The following ADAM32 variants were observed in gnomAD, a reference collection of about 807,000 sequenced individuals.
ADAM32 encodes the protein ADAM metallopeptidase domain 32, also known as disintegrin and metalloproteinase domain-containing protein 32.
Under a neutral mutation model 114.9 loss-of-function variants are expected in ADAM32, and 89 were observed. The observed-to-expected ratio is 0.77, with a 90% CI of 0.65 to 0.92. ADAM32 has a LOEUF of 0.92. Among genes scored for constraint, ADAM32 ranks in the 40% least tolerant of loss-of-function variants. The pLI is 0.00. For missense variants in ADAM32, 870 were observed against 932.8 expected, an observed-to-expected ratio of 0.93 and a Z score of 0.88; for synonymous variants, 285 against 307.5, an observed-to-expected ratio of 0.93 and a Z score of 0.77.
chr8:39,183,130 G>T (rs1337634356), intron 10 of ADAM32, among the ~76,000 whole-genome samples: 3 of 152,202 alleles, frequency 2.0e-5, no homozygotes, highest in African/African-American at 7.2e-5. Context: ...TGTATGTTTG[G>T]AATCTGTATC....
chr8:39,213,303 T>C (rs950813969), intron 12 of ADAM32, among the ~76,000 whole-genome samples: 3 of 152,134 alleles, frequency 2.0e-5, no homozygotes, highest in Non-Finnish European at 2.9e-5. Context: ...ATGTACCACC[T>C]CATATATTTA....
At chr8:39,282,878 T>G (rs1181758913) in intron 23 of ADAM32, among the ~76,000 whole-genome samples, 1 of 152,144 alleles carries the variant, frequency 6.6e-6, no homozygotes, top group Non-Finnish European at 1.5e-5. Context: ...AATAAGAATG[T>G]TTCATGGTCA....
rs1429420662 is a variant in ADAM32 at position 39,221,624 on chromosome 8, A to G, written c.1248A>G (p.Ala416=). The G allele has an allele frequency of 6.2e-7, 1 of 1,611,580 alleles. No individual in the cohort carries two copies. Among genetic ancestry groups the G allele is most frequent in the African/African-American group, 1.3e-5 (1 of 75,014 alleles). ...CTAATTCATAGCAATGTGGACCTGC[A>G]AGCTGTTGTGATTTTCGAACTTGTG... ...DCGTEAQCGP[A]SCCDFRTCVL... The change falls in exon 13 of 25, where the codon GCA becomes GCG. Residue 416 remains alanine, a synonymous_variant. Coordinates refer to ENST00000379907, the MANE Select transcript of ADAM32 (RefSeq NM_145004.7).
In ADAM32 at chr8:39,246,139, T is replaced by C. The variant is rs777393553; in HGVS notation, c.1875T>C (p.Val625=). Residue 625 remains valine, a synonymous_variant, in exon 17 of 25, where the codon GTT becomes GTC. Transcript: ENST00000379907. ...GGATAATTAAGGCTTCAGCACATGT[T>C]TGTTCACAACAGTGTTCTGGACATG... The part of the protein sequence containing the change: ...ESRIIKASAH[V]CSQQCSGHGV... 39 of 1,613,436 alleles carry C rather than the reference T, an allele frequency of 2.4e-5. No homozygotes were observed. Among genetic ancestry groups the C allele is most frequent in the Admixed American group, 3.3e-5 (2 of 59,980 alleles).
intron 11 of ADAM32, among the ~76,000 whole-genome samples, chr8:39,198,303 ATTG>A (rs1366253549): frequency 6.6e-6 from 1 of 152,042 alleles, no homozygotes; most frequent in Non-Finnish European, 1.5e-5. Context: ...TACATTTGAT[ATTG>A]TTATTAATAA....
At chr8:39,111,028 G>T (rs1840134947) in intron 1 of ADAM32, among the ~76,000 whole-genome samples, 1 of 152,144 alleles carries the variant, frequency 6.6e-6, no homozygotes, top group African/African-American at 2.4e-5. Flanking sequence ...TAATTCACTT[G>T]CATAATGTTT....
intron 11 of ADAM32, among the ~76,000 whole-genome samples, chr8:39,197,013 T>C (rs1487279344): frequency 6.6e-6 from 1 of 152,160 alleles, no homozygotes; most frequent in Non-Finnish European, 1.5e-5. Flanking sequence ...TGATTCAGTC[T>C]CATTACTTGT....
chr8:39,110,641 C>G (rs535365521), intron 1 of ADAM32, among the ~76,000 whole-genome samples: 29 of 152,292 alleles, frequency 1.9e-4, no homozygotes, highest in Admixed American at 1.6e-3. Flanking sequence ...AGTGGCTGTA[C>G]CATTTGCATT....
intron 12 of ADAM32, among the ~76,000 whole-genome samples, chr8:39,213,954 G>T (rs1161806991): frequency 2.0e-5 from 3 of 151,976 alleles, no homozygotes; most frequent in African/African-American, 7.3e-5. Flanking sequence ...GTCTTTCTCT[G>T]CCTGGCTTAT....
intron 10 of ADAM32, among the ~76,000 whole-genome samples, chr8:39,177,672 G>A (rs752914240): frequency 2.6e-5 from 4 of 152,082 alleles, no homozygotes; most frequent in Non-Finnish European, 5.9e-5. Context: ...CATATTTAAT[G>A]CTTCCTTCAG....
rs759283557 is a variant in ADAM32, at chr8:39,151,394, A to C, written c.371A>C (p.Glu124Ala). 3.0e-5 allele frequency: 48 copies of C among 1,589,830 alleles called. 1 individual carries two copies. The South Asian group carries it at 5.3e-4, about 18-fold the overall frequency. The change falls in exon 6 of 25, where the codon GAA becomes GCA. Residue 124 changes from glutamate to alanine, a missense_variant. Transcript: ENST00000379907. The stretch of plus-strand genomic sequence containing the variant: ...TTTCACAGAGGAATACTGCAATTTG[A>C]AAATGTTTCTTATGGAATTGAGCCT... ...CSGLRGILQF[E>A]NVSYGIEPLE...
intron 6 of ADAM32, chr8:39,158,497 C>A: frequency 6.9e-6 from 2 of 291,660 alleles, no homozygotes; most frequent in South Asian, 3.8e-5. Context: ...CCCCTTCCTT[C>A]TTGTTCACCT....
Position 39,189,459 on chromosome 8 carries a change from GTAT to G in ADAM32, c.1052+2425_1052+2427del, listed in dbSNP as rs554413258. Among the ~76,000 whole-genome samples the G allele has an allele frequency of 9.3e-4, 141 of 152,004 alleles. 5 individuals carry two copies. In the South Asian group the frequency reaches 0.028, roughly 30 times the overall value. On this transcript the variant is annotated intron_variant, in intron 11 of 24. Transcript: ENST00000379907. The stretch of plus-strand genomic sequence containing the variant: ...TTTTGGGGTAAAACTGTGTCTAAAT[GTAT>G]TATTATTATTGAAAAAATTCTATTG...
At position 39,284,829 on chromosome 8, in the gene ADAM32, CGA is replaced by C. The variant is rs770165678; in HGVS notation, c.*34_*35del. 3 of 1,612,036 alleles carry C rather than the reference CGA, an allele frequency of 1.9e-6. No homozygotes were observed. The South Asian group carries it at 3.3e-5, about 18-fold the overall frequency. On this transcript the variant is annotated 3_prime_UTR_variant, in exon 25 of 25. Coordinates refer to ENST00000379907, the MANE Select transcript of ADAM32 (RefSeq NM_145004.7). ...TCCTTCAGAAGGCAACGGATAACAT[CGA>C]GAGTCTCGCTAAGAAATGAAAATTC... is the stretch of plus-strand genomic sequence containing the variant.
chr8:39,149,693 GA>G, intron 4 of ADAM32, 97 bp from the exon 5 acceptor site: 1 of 876,012 alleles, frequency 1.1e-6, no homozygotes. Flanking sequence ...CGGAGCCTGT[GA>G]AAAATATTCA....
At chr8:39,231,959 A>T in intron 14 of ADAM32, 68 bp from the exon 15 acceptor site, 8 of 1,220,408 alleles carry the variant, frequency 6.6e-6, no homozygotes, top group Non-Finnish European at 9.6e-6. Flanking sequence ...GGAATATTAT[A>T]TGAAGAAATG....
At chr8:39,152,268 A>G (rs1407046094) in intron 6 of ADAM32, among the ~76,000 whole-genome samples, 2 of 152,228 alleles carry the variant, frequency 1.3e-5, no homozygotes, top group Non-Finnish European at 2.9e-5. Flanking sequence ...TTCAGTGAAC[A>G]CACTATGTAA....
At chr8:39,156,011 A>G (rs1804125850) in intron 6 of ADAM32, among the ~76,000 whole-genome samples, 1 of 152,180 alleles carries the variant, frequency 6.6e-6, no homozygotes, top group South Asian at 2.1e-4. Context: ...TAATAACATT[A>G]AGCTATGTTA....
chr8:39,152,076 T>A lies in ADAM32; in HGVS notation c.525+528T>A, dbSNP rs375770183. 4.6e-5 allele frequency among the ~76,000 whole-genome samples: 7 copies of A among 152,310 alleles called. No individual in the cohort carries two copies. In the East Asian group the frequency reaches 7.7e-4, roughly 17 times the overall value. ...TTATTACTTTCCAAAAATTCCCTCT[T>A]GTATATGCAATATAAACTTTAAAAA... On this transcript the variant is annotated intron_variant, in intron 6 of 24. Transcript: ENST00000379907.
Sources: allele counts gnomAD v4.1 joint callset (sites outside exome capture counted in the v4.1 genomes callset), GRCh38; gene constraint gnomAD v4.1.1; transcripts MANE v1.5; gene names NCBI Gene and HGNC (gene_info 2026-07-23, HGNC 2026-07-21).